The following NCK2 variants were observed in gnomAD, a reference collection of about 807,000 sequenced individuals.
The protein encoded by NCK2 is NCK adaptor protein 2, also known as cytoplasmic protein NCK2.
NCK2 carries 16 observed loss-of-function variants against 33.9 expected under a neutral mutation model. The observed-to-expected ratio is 0.47, with a 90% CI of 0.32 to 0.72. NCK2 has a LOEUF of 0.72. NCK2 is among the 30% of genes least tolerant of loss of function. The probability of loss-of-function intolerance (pLI) is 0.03; values close to 1 mark genes in which losing one functional copy is unlikely to be tolerated. For synonymous variants in NCK2, 273 were observed against 239.9 expected, an observed-to-expected ratio of 1.14 and a Z score of -1.27; for missense variants, 418 against 537.3, an observed-to-expected ratio of 0.78 and a Z score of 2.19.
chr2:105,814,733 C>T (rs1335459337), intron 1 of NCK2, among the ~76,000 whole-genome samples: 2 of 152,338 alleles, frequency 1.3e-5, no homozygotes, highest in East Asian at 1.9e-4. Context: ...CTCCTCTGTA[C>T]ATTTGGGCAT....
chr2:105,849,726 G>C (rs1310618862), intron 2 of NCK2, among the ~76,000 whole-genome samples: 1 of 152,128 alleles, frequency 6.6e-6, no homozygotes, highest in Non-Finnish European at 1.5e-5. Context: ...TCACAGAAGA[G>C]CAGCCACTGG....
At chr2:105,768,979 A>C (rs958401635) in intron 1 of NCK2, among the ~76,000 whole-genome samples, 2 of 151,430 alleles carry the variant, frequency 1.3e-5, no homozygotes, top group African/African-American at 2.4e-5. Context: ...CCCCTCCCAG[A>C]GGTTGGGGTG....
rs1677470398 is a variant in NCK2 at position 105,860,376 on chromosome 2, C to G, written c.226+5087C>G. ...TCCTGCATCCACAAGGGGACCCTAC[C>G]CACCAAGTGCCAGCCTCCGTCCCAG... On this transcript the variant is annotated intron_variant, in intron 3 of 4. Coordinates refer to ENST00000233154, the MANE Select transcript of NCK2 (RefSeq NM_003581.5). Among the ~76,000 whole-genome samples, 3 of 152,162 alleles carry G rather than the reference C, an allele frequency of 2.0e-5. No individual in the cohort carries two copies. In the South Asian group the frequency reaches 6.2e-4, roughly 32 times the overall value.
intron 2 of NCK2, among the ~76,000 whole-genome samples, chr2:105,837,477 G>C (rs1676475453): frequency 6.6e-6 from 1 of 152,124 alleles, no homozygotes; most frequent in Admixed American, 6.5e-5. Flanking sequence ...TGGTATGATA[G>C]TGAATCATGT....
intron 2 of NCK2, among the ~76,000 whole-genome samples, chr2:105,835,394 T>TATATATAC (rs1676369451): frequency 1.1e-4 from 6 of 55,480 alleles, no homozygotes; most frequent in Non-Finnish European, 2.8e-4. Flanking sequence ...TACACATATA[T>TATATATAC]ATATATATAT....
intron 3 of NCK2, among the ~76,000 whole-genome samples, chr2:105,860,497 G>A (rs1440486872): frequency 6.6e-6 from 1 of 152,138 alleles, no homozygotes; most frequent in Admixed American, 6.5e-5. Flanking sequence ...GAATGAGGAG[G>A]GGCATCGCAT....
chr2:105,819,525 T>G (rs1675642956), intron 2 of NCK2, among the ~76,000 whole-genome samples: 1 of 152,192 alleles, frequency 6.6e-6, no homozygotes, highest in Admixed American at 6.5e-5. Context: ...AGAAAGGTCT[T>G]GATCGTCAGT....
chr2:105,755,305 C>T (rs771668617), intron 1 of NCK2, among the ~76,000 whole-genome samples: 22 of 152,130 alleles, frequency 1.4e-4, no homozygotes, highest in Non-Finnish European at 2.9e-4. Context: ...TGTCAGACAT[C>T]GTGCTGTTGT....
intron 1 of NCK2, among the ~76,000 whole-genome samples, chr2:105,803,594 A>C (rs1674924403): frequency 6.6e-6 from 1 of 152,176 alleles, no homozygotes; most frequent in African/African-American, 2.4e-5. Context: ...TGGCATTAGC[A>C]TCCAGTTTCA....
At chr2:105,873,670 G>A (rs1286952164) in intron 3 of NCK2, among the ~76,000 whole-genome samples, 10 of 152,250 alleles carry the variant, frequency 6.6e-5, no homozygotes, top group Admixed American at 5.2e-4. Flanking sequence ...TATTTTTTGG[G>A]GGCTCTTAAT....
chr2:105,838,984 C>T (rs956528187), intron 2 of NCK2, among the ~76,000 whole-genome samples: 5 of 152,046 alleles, frequency 3.3e-5, no homozygotes, highest in East Asian at 1.9e-4. Flanking sequence ...GAGAGTGGTG[C>T]GGCAGCTATT....
chr2:105,869,093 C>T (rs1388292037), intron 3 of NCK2, among the ~76,000 whole-genome samples: 1 of 152,220 alleles, frequency 6.6e-6, no homozygotes, highest in African/African-American at 2.4e-5. Context: ...AAACGGGGCT[C>T]CTCTCATAGA....
chr2:105,798,676 A>C (rs188199317), intron 1 of NCK2, among the ~76,000 whole-genome samples: 1 of 152,308 alleles, frequency 6.6e-6, no homozygotes, highest in East Asian at 1.9e-4. Context: ...CTGGTGATTA[A>C]GTTTATGTGG....
chr2:105,745,919 T>C (rs1389231188), intron 1 of NCK2: 7 of 152,188 alleles, frequency 4.6e-5, no homozygotes, highest in Non-Finnish European at 1.0e-4. Context: ...GTAACTGCCT[T>C]ATGAGCACAG....
At chr2:105,832,579 G>A (rs1328013185) in intron 2 of NCK2, among the ~76,000 whole-genome samples, 1 of 152,124 alleles carries the variant, frequency 6.6e-6, no homozygotes, top group East Asian at 1.9e-4. Context: ...TCTTCATTTT[G>A]TTGATGTGAT....
At chr2:105,822,507 C>T (rs940724628) in intron 2 of NCK2, among the ~76,000 whole-genome samples, 2 of 151,928 alleles carry the variant, frequency 1.3e-5, no homozygotes, top group African/African-American at 4.9e-5. Flanking sequence ...CTGTTCAGGG[C>T]GAAACATCAT....
intron 3 of NCK2, among the ~76,000 whole-genome samples, chr2:105,860,679 G>A (rs1319530541): frequency 1.3e-5 from 2 of 152,028 alleles, no homozygotes; most frequent in African/African-American, 4.8e-5. Flanking sequence ...AGCTGGGGAG[G>A]AATTGGGGAT....
At chr2:105,812,386 G>A (rs1239010803) in intron 1 of NCK2, among the ~76,000 whole-genome samples, 1 of 152,216 alleles carries the variant, frequency 6.6e-6, no homozygotes, top group African/African-American at 2.4e-5. Flanking sequence ...GCTTTGTTCA[G>A]TATCTGAAAC....
intron 1 of NCK2, among the ~76,000 whole-genome samples, chr2:105,778,811 C>T (rs1012946248): frequency 6.6e-6 from 1 of 152,124 alleles, no homozygotes. Context: ...CAGCCTCAAA[C>T]TTCTGGGTTC....
Sources: gnomAD v4.1 joint callset for allele counts (sites outside exome capture counted in the v4.1 genomes callset) on GRCh38, gnomAD v4.1.1 for gene constraint, MANE v1.5 for transcripts, NCBI Gene and HGNC (gene_info 2026-07-23, HGNC 2026-07-21) for gene names.